Variants in JAK1 observed in about 807,000 individuals in gnomAD.
JAK1 encodes tyrosine-protein kinase JAK1.
A neutral mutation model predicts 136.6 loss-of-function variants in JAK1; 16 were observed. That is an observed-to-expected ratio of 0.12 (90% CI 0.08 to 0.18). JAK1 has a LOEUF of 0.18. JAK1 is among the 10% of genes least tolerant of loss of function. The probability of loss-of-function intolerance (pLI) is 1.00; values close to 1 mark genes in which losing one functional copy is unlikely to be tolerated. For missense variants in JAK1, 859 were observed against 1,450.1 expected (o/e 0.59, Z 6.62); for synonymous variants, 492 against 519.5 (o/e 0.95, Z 0.72).
At chr1:65,055,036 T>C (rs1167141646) in intron 1 of JAK1, among the ~76,000 whole-genome samples, 5 of 152,168 alleles carry the variant, frequency 3.3e-5, no homozygotes, top group African/African-American at 1.2e-4. Context: ...ACACATAAAA[T>C]TTTCCATTTT....
intron 2 of JAK1, among the ~76,000 whole-genome samples, chr1:64,883,910 A>G (rs1365519228): frequency 6.6e-6 from 1 of 152,184 alleles, no homozygotes; most frequent in Non-Finnish European, 1.5e-5. Flanking sequence ...GAACAGACTT[A>G]TGGCAAGAAT....
At chr1:64,852,967 T>G (rs921271938) in intron 11 of JAK1, among the ~76,000 whole-genome samples, 1 of 152,174 alleles carries the variant, frequency 6.6e-6, no homozygotes, top group Admixed American at 6.5e-5. Flanking sequence ...GACACAGGAC[T>G]AGAGATGTGG....
At chr1:64,877,437 C>T (rs1018677616) in intron 4 of JAK1, among the ~76,000 whole-genome samples, 2 of 152,090 alleles carry the variant, frequency 1.3e-5, no homozygotes, top group South Asian at 2.1e-4. Flanking sequence ...CCCTGCACTT[C>T]CAGGCAGCTA....
In JAK1 at chr1:64,834,448, CTT is replaced by C. The variant is rs1178672531; in HGVS notation, c.*112_*113del. On this transcript the variant is annotated 3_prime_UTR_variant, in exon 25 of 25. Coordinates refer to ENST00000342505, the MANE Select transcript of JAK1 (RefSeq NM_002227.4). ...ATGTACTGAAGTATGAGTTCAGTGA[CTT>C]TTTGGACAGAACACAAACTTCTTTC... The C allele has an allele frequency of 2.8e-6, 2 of 707,540 alleles. No homozygotes were observed. Among genetic ancestry groups the C allele is most frequent in the African/African-American group, 3.6e-5 (2 of 56,064 alleles). The allele number at this position is 707,540 out of a possible 1,614,324, so 43.8% of individuals were successfully genotyped here.
chr1:64,892,991 G>A (rs1416063165), intron 1 of JAK1, among the ~76,000 whole-genome samples: 1 of 152,156 alleles, frequency 6.6e-6, no homozygotes, highest in Non-Finnish European at 1.5e-5. Context: ...GGCATGCTGA[G>A]AGACAGACAC....
intron 1 of JAK1, among the ~76,000 whole-genome samples, chr1:64,939,426 T>G (rs1645848622): frequency 6.6e-6 from 1 of 152,244 alleles, no homozygotes; most frequent in South Asian, 2.1e-4. Context: ...AGTTTCACAG[T>G]TTGCAGAAGT....
intron 5 of JAK1, among the ~76,000 whole-genome samples, chr1:64,872,956 C>A (rs1468783216): frequency 6.6e-6 from 1 of 152,096 alleles, no homozygotes; most frequent in African/African-American, 2.4e-5. Context: ...TATCCTACCA[C>A]CAGTGACAGA....
At chr1:64,885,649 A>C (rs1644840211) in intron 2 of JAK1, among the ~76,000 whole-genome samples, 1 of 152,062 alleles carries the variant, frequency 6.6e-6, no homozygotes, top group South Asian at 2.1e-4. Context: ...CCTACTCGGG[A>C]GGCTGAGACA....
At chr1:64,990,197 A>G (rs886963920) in intron 2 of JAK1, 1 of 152,236 alleles carries the variant, frequency 6.6e-6, no homozygotes, top group Non-Finnish European at 1.5e-5. Flanking sequence ...AATCTTAGCT[A>G]CACAGGAGGC....
intron 1 of JAK1, among the ~76,000 whole-genome samples, chr1:64,888,339 G>A (rs548451466): frequency 2.0e-5 from 3 of 152,190 alleles, no homozygotes; most frequent in East Asian, 1.9e-4. Flanking sequence ...GCGCCACTAC[G>A]TCCAGCTATT....
chr1:65,064,148 A>AAGTG lies in JAK1; in HGVS notation c.-181+3455_-181+3456insCACT, dbSNP rs1175037722. ...TTTGCGTTTGGATTTCAAAACACTT[A>AAGTG]GTTTCAAAAGTAGATGCGTAAGCTC... On this transcript the variant is annotated intron_variant, in intron 1 of 25. Coordinates refer to the JAK1 transcript ENST00000671954. Among the ~76,000 whole-genome samples the AAGTG allele has an allele frequency of 2.0e-5, 3 of 152,220 alleles. No individual in the cohort carries two copies. In the East Asian group the frequency reaches 5.8e-4, roughly 29 times the overall value.
intron 2 of JAK1, among the ~76,000 whole-genome samples, chr1:65,040,020 GC>G (rs1451472984): frequency 2.6e-5 from 4 of 152,274 alleles, no homozygotes; most frequent in African/African-American, 9.6e-5. Context: ...TTCAAGACCA[GC>G]CTGGCCAACA....
intron 1 of JAK1, among the ~76,000 whole-genome samples, chr1:64,924,775 A>C (rs1295355423): frequency 1.3e-5 from 2 of 152,194 alleles, no homozygotes; most frequent in African/African-American, 4.8e-5. Flanking sequence ...AAACACCTTT[A>C]TAGGATGCTA....
intron 1 of JAK1, among the ~76,000 whole-genome samples, chr1:65,048,463 G>C (rs1235382027): frequency 6.6e-6 from 1 of 152,216 alleles, no homozygotes; most frequent in Non-Finnish European, 1.5e-5. Context: ...ACAATCATGT[G>C]TTACTAGGAG....
chr1:64,891,140 A>AG (rs1485877808), intron 1 of JAK1, among the ~76,000 whole-genome samples: 4 of 150,716 alleles, frequency 2.7e-5, no homozygotes, highest in Non-Finnish European at 4.5e-5. Context: ...GTTCCAGTCA[A>AG]GGAAAAAAAA....
At chr1:65,032,820 A>G (rs1647035738) in intron 2 of JAK1, among the ~76,000 whole-genome samples, 1 of 152,176 alleles carries the variant, frequency 6.6e-6, no homozygotes, top group South Asian at 2.1e-4. Context: ...GGCACCTATT[A>G]GGTGCTATGA....
intron 1 of JAK1, among the ~76,000 whole-genome samples, chr1:64,933,089 T>A (rs900825971): frequency 6.6e-6 from 1 of 152,156 alleles, no homozygotes; most frequent in Non-Finnish European, 1.5e-5. Flanking sequence ...GTGGTAGCTA[T>A]ACGTGCCAGG....
intron 8 of JAK1, among the ~76,000 whole-genome samples, chr1:64,860,929 CGTGTGTGTGTGTGTGTGTGT>C (rs577274261): frequency 2.1e-5 from 1 of 48,502 alleles, no homozygotes; most frequent in Non-Finnish European, 4.0e-5. Flanking sequence ...CCCCTGGGTC[CGTGTGTGTGTGTGTGTGTGT>C]GTGTGTGTGT....
chr1:65,022,203 T>G (rs1646943644), intron 2 of JAK1, among the ~76,000 whole-genome samples: 1 of 152,238 alleles, frequency 6.6e-6, no homozygotes, highest in Non-Finnish European at 1.5e-5. Context: ...TGAGTGCATT[T>G]TAATGTGTTT....
Sources: gnomAD v4.1 joint callset for allele counts (sites outside exome capture counted in the v4.1 genomes callset) on GRCh38, gnomAD v4.1.1 for gene constraint, MANE v1.5 for transcripts, NCBI Gene and HGNC (gene_info 2026-07-23, HGNC 2026-07-21) for gene names.